The following CIROZ variants were observed in gnomAD, a reference collection of about 807,000 sequenced individuals.
CIROZ encodes ciliated left-right organizer protein containing ZP-N domains.
At chr1:10,953,615 A>G in the CIROZ span, among the ~76,000 whole-genome samples, 1 of 152,134 alleles carries the variant, frequency 6.6e-6, no homozygotes, top group Non-Finnish European at 1.5e-5. Context: ...CCAGGCACTC[A>G]CTCTTCTAAG....
the CIROZ span, among the ~76,000 whole-genome samples, chr1:10,975,550 C>T: frequency 6.7e-6 from 1 of 149,956 alleles, no homozygotes; most frequent in South Asian, 2.1e-4. Flanking sequence ...GATCACACCA[C>T]TGCACTACAG....
the CIROZ span, chr1:10,981,986 C>T: frequency 6.8e-5 from 104 of 1,537,182 alleles, no homozygotes; most frequent in Admixed American, 1.5e-3. Context: ...CTGGCTTCTC[C>T]CAATTCCTGA....
chr1:10,973,851 C>G, the CIROZ span, among the ~76,000 whole-genome samples: 2 of 152,128 alleles, frequency 1.3e-5, no homozygotes, highest in African/African-American at 4.8e-5. Flanking sequence ...TGGGGGAGGG[C>G]TAGGAGCAGG....
the CIROZ span, among the ~76,000 whole-genome samples, chr1:10,956,477 CT>C: frequency 0.021 from 2,961 of 139,622 alleles, 93 homozygotes; most frequent in African/African-American, 0.065. Flanking sequence ...GATGATTTTA[CT>C]TTTTTTTTTT....
the CIROZ span, among the ~76,000 whole-genome samples, chr1:10,947,361 G>T: frequency 6.6e-6 from 1 of 152,226 alleles, no homozygotes; most frequent in Non-Finnish European, 1.5e-5. Context: ...CCTCGGGGAG[G>T]TCCATGCAGG....
the CIROZ span, among the ~76,000 whole-genome samples, chr1:10,961,984 G>C: frequency 6.6e-6 from 1 of 152,042 alleles, no homozygotes; most frequent in Non-Finnish European, 1.5e-5. Context: ...TGGATAAATG[G>C]TGTTTGTCAT....
the CIROZ span, among the ~76,000 whole-genome samples, chr1:10,961,005 C>G: frequency 6.6e-6 from 1 of 152,100 alleles, no homozygotes; most frequent in Admixed American, 6.5e-5. Flanking sequence ...CAGAGCCCCC[C>G]CCACCCACCT....
chr1:10,951,745 A>AAAAAAAAAAAAATATAT, the CIROZ span, among the ~76,000 whole-genome samples: 1 of 119,206 alleles, frequency 8.4e-6, no homozygotes, highest in Non-Finnish European at 1.7e-5. Context: ...AAAAAAAAAA[A>AAAAAAAAAAAAATATAT]ATATATATAT....
the CIROZ span, among the ~76,000 whole-genome samples, chr1:10,969,352 C>T: frequency 6.6e-6 from 1 of 152,148 alleles, no homozygotes. Context: ...ACATCCAATG[C>T]TTTCCTACTC....
At chr1:10,957,577 C>G in the CIROZ span, 1 of 1,608,824 alleles carries the variant, frequency 6.2e-7, no homozygotes, top group Non-Finnish European at 8.5e-7. Flanking sequence ...GCCCCAGAGG[C>G]CCCTCACCTC....
At chr1:10,948,996 G>A in the CIROZ span, 35 of 652,140 alleles carry the variant, frequency 5.4e-5, no homozygotes, top group East Asian at 2.1e-4. Context: ...AGGCCAAGGC[G>A]GGTGGATCAC....
At chr1:10,951,424 A>T in the CIROZ span, among the ~76,000 whole-genome samples, 1 of 151,996 alleles carries the variant, frequency 6.6e-6, no homozygotes, top group East Asian at 1.9e-4. Context: ...TTAGCCAGGC[A>T]TGGTGGCGGG....
chr1:10,973,137 C>A, the CIROZ span, among the ~76,000 whole-genome samples: 2 of 152,092 alleles, frequency 1.3e-5, no homozygotes, highest in African/African-American at 4.8e-5. Flanking sequence ...CTCTGGGATG[C>A]CGAAGTGGGC....
chr1:10,970,982 GA>G, the CIROZ span, among the ~76,000 whole-genome samples: 2 of 145,036 alleles, frequency 1.4e-5, no homozygotes, highest in Non-Finnish European at 3.0e-5. Flanking sequence ...CCATCTCTAA[GA>G]AAAAAATTTT....
At chr1:10,980,742 A>G in the CIROZ span, among the ~76,000 whole-genome samples, 1 of 152,142 alleles carries the variant, frequency 6.6e-6, no homozygotes, top group Non-Finnish European at 1.5e-5. Flanking sequence ...CTTGAGCATC[A>G]ATCGGGAGAA....
chr1:10,960,413 GA>G, the CIROZ span, among the ~76,000 whole-genome samples: 1 of 150,208 alleles, frequency 6.7e-6, no homozygotes, highest in Non-Finnish European at 1.5e-5. This position sits in a 1 kb window ranked among gnomAD's most constrained non-coding sequence, Gnocchi z 4.6. Flanking sequence ...CTGTCTCCAA[GA>G]AAAAAAAAGA....
At chr1:10,947,889 AC>A in the CIROZ span, 5 of 1,612,080 alleles carry the variant, frequency 3.1e-6, no homozygotes, top group East Asian at 2.2e-5. Flanking sequence ...CGTGTGTGCA[AC>A]CCCCCACTCC....
At chr1:10,959,674 G>C in the CIROZ span, among the ~76,000 whole-genome samples, 69 of 152,312 alleles carry the variant, frequency 4.5e-4, no homozygotes, top group East Asian at 0.013. This position sits in a 1 kb window ranked among gnomAD's most constrained non-coding sequence, Gnocchi z 4.3. Flanking sequence ...CCAACTCAAG[G>C]CTACCCACCT....
At chr1:10,972,425 ACACAC>A in the CIROZ span, among the ~76,000 whole-genome samples, 451 of 139,370 alleles carry the variant, frequency 3.2e-3, 3 homozygotes, top group South Asian at 3.9e-3. Flanking sequence ...TGAAATACAC[ACACAC>A]ACACACACAC....
Sources: allele counts gnomAD v4.1 joint callset (sites outside exome capture counted in the v4.1 genomes callset), GRCh38; gene constraint gnomAD v4.1.1; non-coding constraint Gnocchi (gnomAD v3.1); transcripts MANE v1.5; gene names NCBI Gene and HGNC (gene_info 2026-07-23, HGNC 2026-07-21).